Variants in TECPR2 observed in about 807,000 individuals in gnomAD.
The protein encoded by TECPR2 is tectonin beta-propeller repeat-containing protein 2.
A neutral mutation model predicts 138.1 loss-of-function variants in TECPR2; 65 were observed. That is an observed-to-expected ratio of 0.47 (90% CI 0.39 to 0.58). The LOEUF (loss-of-function observed/expected upper bound fraction) is 0.58, where lower values mean the gene tolerates loss of function less well. Ranked by LOEUF, TECPR2 falls within the 20% of genes least tolerant of loss-of-function variation. The pLI, the probability that TECPR2 is intolerant of heterozygous loss-of-function variation, is 0.00. For synonymous variants in TECPR2, 746 were observed against 749.8 expected (o/e 0.99, Z 0.08); for missense variants, 1,553 against 1,824.5 (o/e 0.85, Z 2.71).
At chr14:102,456,517 G>GT (rs1890279350) in intron 16 of TECPR2, among the ~76,000 whole-genome samples, 1 of 151,650 alleles carries the variant, frequency 6.6e-6, no homozygotes, top group Non-Finnish European at 1.5e-5. Context: ...CCCTCAACGA[G>GT]TATCTGCTGA....
At chr14:102,468,706 C>T (rs1890602805) in intron 17 of TECPR2, among the ~76,000 whole-genome samples, 1 of 152,128 alleles carries the variant, frequency 6.6e-6, no homozygotes, top group African/African-American at 2.4e-5. Flanking sequence ...CAAAGATTTA[C>T]CTCTATGTTT....
At chr14:102,484,424 G>A (rs1406736750) in intron 17 of TECPR2, among the ~76,000 whole-genome samples, 1 of 152,102 alleles carries the variant, frequency 6.6e-6, no homozygotes, top group Admixed American at 6.6e-5. Context: ...TCAGATGTTG[G>A]CAGTCCCCTG....
intron 17 of TECPR2, among the ~76,000 whole-genome samples, chr14:102,470,648 T>C (rs1334702892): frequency 2.0e-5 from 3 of 150,436 alleles, no homozygotes; most frequent in African/African-American, 7.3e-5. Context: ...TCTTTTTTTT[T>C]TTTTTTTTGA....
chr14:102,400,840 T>C (rs965349572), intron 2 of TECPR2, among the ~76,000 whole-genome samples: 1 of 151,362 alleles, frequency 6.6e-6, no homozygotes, highest in Non-Finnish European at 1.5e-5. Context: ...AAGACTAGCC[T>C]GGCCAAGATG....
chr14:102,398,693 A>C (rs1888385269), intron 2 of TECPR2, among the ~76,000 whole-genome samples: 1 of 151,998 alleles, frequency 6.6e-6, no homozygotes, highest in African/African-American at 2.4e-5. Flanking sequence ...ATCTCTACTA[A>C]AAATCAAAAA....
At chr14:102,395,064 A>T (rs921375914) in intron 2 of TECPR2, among the ~76,000 whole-genome samples, 9 of 152,148 alleles carry the variant, frequency 5.9e-5, no homozygotes, top group Non-Finnish European at 1.0e-4. Context: ...GTAGCTTAAG[A>T]TCTAAATCTC....
At chr14:102,417,228 G>C (rs945548196) in intron 5 of TECPR2, among the ~76,000 whole-genome samples, 61 of 152,228 alleles carry the variant, frequency 4.0e-4, no homozygotes, top group Non-Finnish European at 8.8e-5. Context: ...AACAGAATAA[G>C]AGGAAATGTT....
intron 2 of TECPR2, among the ~76,000 whole-genome samples, chr14:102,388,510 A>G (rs1164069460): frequency 6.6e-6 from 1 of 150,742 alleles, no homozygotes; most frequent in African/African-American, 2.5e-5. Flanking sequence ...CCTGGCCAGT[A>G]TGGTGAAACC....
chr14:102,494,578 G>T (rs993037587), intron 17 of TECPR2, among the ~76,000 whole-genome samples: 22 of 151,778 alleles, frequency 1.4e-4, no homozygotes, highest in Non-Finnish European at 2.9e-4. Flanking sequence ...TGTAATCCCA[G>T]CACTTTTGGG....
intron 17 of TECPR2, among the ~76,000 whole-genome samples, chr14:102,470,636 C>A (rs1890635378): frequency 1.3e-5 from 2 of 148,662 alleles, no homozygotes; most frequent in Admixed American, 1.3e-4. Flanking sequence ...TCTTCTTCTT[C>A]TTCTTTTTTT....
At position 102,408,241 on chromosome 14, in the gene TECPR2, T is replaced by C. The variant is rs1054532317; in HGVS notation, c.349-247T>C. Among the ~76,000 whole-genome samples the C allele has an allele frequency of 1.2e-4, 19 of 152,050 alleles. 1 individual carries two copies. The highest frequency in any genetic ancestry group is 1.2e-3 in the Admixed American group (19 of 15,252). On this transcript the variant is annotated intron_variant, in intron 3 of 19. Coordinates refer to ENST00000359520, the MANE Select transcript of TECPR2 (RefSeq NM_014844.5). ...AATTGGAGAACATTTTTGTGCTGGG[T>C]TGGACACTTGGCATAAAGTACATGT...
At chr14:102,374,805 A>T (rs1385349965) in intron 1 of TECPR2, among the ~76,000 whole-genome samples, 1 of 152,210 alleles carries the variant, frequency 6.6e-6, no homozygotes, top group African/African-American at 2.4e-5. Flanking sequence ...CACTAGGATT[A>T]CAGGCATAAG....
intron 16 of TECPR2, among the ~76,000 whole-genome samples, chr14:102,458,429 T>C (rs1890324820): frequency 1.3e-5 from 2 of 152,192 alleles, no homozygotes; most frequent in Admixed American, 1.3e-4. Flanking sequence ...CCCTCCACGT[T>C]ACATGGCTCC....
At chr14:102,438,577 CATT>C (rs1889744326) in intron 10 of TECPR2, 1 of 185,762 alleles carries the variant, frequency 5.4e-6, no homozygotes, top group East Asian at 1.7e-4. Context: ...TTCTCTTTCT[CATT>C]GTTGCTTTAA....
At chr14:102,475,790 G>A (rs1247822648) in intron 17 of TECPR2, among the ~76,000 whole-genome samples, 1 of 152,116 alleles carries the variant, frequency 6.6e-6, no homozygotes, top group Admixed American at 6.6e-5. Flanking sequence ...CCGTCAATAG[G>A]AGCTGACCCA....
chr14:102,480,828 T>G (rs1450309440), intron 17 of TECPR2, among the ~76,000 whole-genome samples: 1 of 145,036 alleles, frequency 6.9e-6, no homozygotes, highest in Non-Finnish European at 1.5e-5. Context: ...CCAGTTTTGT[T>G]TTTTGGTTTT....
In TECPR2 at chr14:102,443,229, ACTT is replaced by A. The variant is rs1453135891; in HGVS notation, c.2753-414_2753-412del. Reference sequence around the variant, plus strand: ...TTGGCTTTTGTGTTCTTCTCTTAGAACTTCTTAAGCTACATTGGGACACCAGAT... The same window carrying A: ...TTGGCTTTTGTGTTCTTCTCTTAGAACTTAAGCTACATTGGGACACCAGAT... On this transcript the variant is annotated intron_variant, in intron 11 of 19. Coordinates refer to ENST00000359520, the MANE Select transcript of TECPR2 (RefSeq NM_014844.5). This position sits in a 1 kb window ranked among gnomAD's most constrained non-coding sequence, Gnocchi z 4.9. Among the ~76,000 whole-genome samples the A allele has an allele frequency of 6.6e-6, 1 of 152,190 alleles. No individual in the cohort carries two copies. Among genetic ancestry groups the A allele is most frequent in the Non-Finnish European group, 1.5e-5 (1 of 68,040 alleles).
chr14:102,382,595 A>G (rs1325387231), intron 2 of TECPR2, among the ~76,000 whole-genome samples: 2 of 152,168 alleles, frequency 1.3e-5, no homozygotes, highest in Admixed American at 6.5e-5. Context: ...ACTCAGCTGA[A>G]TATACATTCT....
At chr14:102,438,361 T>A in intron 10 of TECPR2, 156 bp downstream of exon 10, 1 of 884,994 alleles carries the variant, frequency 1.1e-6, no homozygotes, top group Non-Finnish European at 1.6e-6. Context: ...CAGGAACGTT[T>A]GAGGGGTTGT....
Sources: gnomAD v4.1 joint callset for allele counts (sites outside exome capture counted in the v4.1 genomes callset) on GRCh38, gnomAD v4.1.1 for gene constraint, Gnocchi (gnomAD v3.1) non-coding constraint, MANE v1.5 for transcripts, NCBI Gene and HGNC (gene_info 2026-07-23, HGNC 2026-07-21) for gene names.